PRRX2: variants seen among roughly 807,000 people sequenced by gnomAD.
PRRX2 encodes paired mesoderm homeobox protein 2.
In PRRX2, 11 loss-of-function variants were observed where a neutral mutation model predicts 18.0. The observed-to-expected ratio is 0.61, with a 90% CI of 0.39 to 1.01. The LOEUF (loss-of-function observed/expected upper bound fraction) is 1.01. Ranked by LOEUF, PRRX2 falls within the 50% of genes least tolerant of loss-of-function variation. PRRX2 has a pLI of 0.01. For missense variants in PRRX2, 387 were observed against 351.0 expected, an observed-to-expected ratio of 1.10 and a Z score of -0.82; for synonymous variants, 177 against 154.8, an observed-to-expected ratio of 1.14 and a Z score of -1.06.
At chr9:129,670,521 C>T (rs959665846) in intron 1 of PRRX2, among the ~76,000 whole-genome samples, 25 of 152,000 alleles carry the variant, frequency 1.6e-4, no homozygotes, top group African/African-American at 4.8e-4. Context: ...ATTACAGGTG[C>T]GTGCCACCAT....
chr9:129,720,982 CAT>C (rs373959981), intron 3 of PRRX2, among the ~76,000 whole-genome samples: 25 of 151,878 alleles, frequency 1.6e-4, no homozygotes, highest in African/African-American at 4.1e-4. Context: ...TAAGAGTTGG[CAT>C]GTGTGTGTGT....
chr9:129,673,431 T>TGGACAACA (rs1319006068), intron 1 of PRRX2, among the ~76,000 whole-genome samples: 2 of 152,154 alleles, frequency 1.3e-5, no homozygotes, highest in African/African-American at 2.4e-5. Context: ...CACTCCAGCC[T>TGGACAACA]GGGCAACAGA....
chr9:129,697,338 C>A (rs1274116332), intron 1 of PRRX2, among the ~76,000 whole-genome samples: 1 of 152,060 alleles, frequency 6.6e-6, no homozygotes. Flanking sequence ...TCCCCTAGGC[C>A]GTGCCCCCTC....
intron 1 of PRRX2, among the ~76,000 whole-genome samples, chr9:129,713,796 AATTTATTT>A (rs574830957): frequency 6.6e-6 from 1 of 150,842 alleles, no homozygotes; most frequent in Non-Finnish European, 1.5e-5. Context: ...ATGCCTGGCT[AATTTATTT>A]ATTTATTTAT....
intron 1 of PRRX2, among the ~76,000 whole-genome samples, chr9:129,708,732 G>A (rs528555595): frequency 2.0e-5 from 3 of 152,220 alleles, no homozygotes; most frequent in Non-Finnish European, 4.4e-5. Context: ...AACAGCCATC[G>A]TCTGGCCCTT....
Position 129,711,912 on chromosome 9 carries a change from G to A in PRRX2, c.260-7319G>A, listed in dbSNP as rs556094355. Among the ~76,000 whole-genome samples the A allele has an allele frequency of 4.3e-4, 65 of 152,286 alleles. 1 individual carries two copies. Among genetic ancestry groups the A allele is most frequent in the African/African-American group, 1.4e-3 (60 of 41,560 alleles). On this transcript the variant is annotated intron_variant, in intron 1 of 3. Transcript: ENST00000372469. ...ACTTGTGTCCTTGCTGATGATGCCA[G>A]GCAGTGGCTAAGGATGTGGTTTCAG...
intron 1 of PRRX2, among the ~76,000 whole-genome samples, chr9:129,698,178 T>A (rs1832450201): frequency 6.8e-6 from 1 of 147,454 alleles, no homozygotes; most frequent in South Asian, 2.2e-4. Context: ...CTGGGCCCCC[T>A]CGCAGGGCCT....
chr9:129,672,354 G>T (rs1832110233), intron 1 of PRRX2, among the ~76,000 whole-genome samples: 2 of 152,308 alleles, frequency 1.3e-5, no homozygotes, highest in South Asian at 4.1e-4. Flanking sequence ...AGGCCTCACT[G>T]GAGTTGTCCT....
At chr9:129,705,704 T>A (rs542727303) in intron 1 of PRRX2, among the ~76,000 whole-genome samples, 34 of 152,178 alleles carry the variant, frequency 2.2e-4, no homozygotes, top group African/African-American at 5.3e-4. Context: ...ACTTTTGGCC[T>A]CACCTGTCCC....
Position 129,675,485 on chromosome 9 carries a change from C to T in PRRX2, c.259+9359C>T, listed in dbSNP as rs1301462522. Among the ~76,000 whole-genome samples the T allele has an allele frequency of 6.6e-6, 1 of 152,080 alleles. No individual in the cohort carries two copies. The highest frequency in any genetic ancestry group is 1.5e-5 in the Non-Finnish European group (1 of 67,972). On this transcript the variant is annotated intron_variant, in intron 1 of 3. Coordinates refer to ENST00000372469, the MANE Select transcript of PRRX2 (RefSeq NM_016307.4). This position sits in a 1 kb window ranked among gnomAD's most constrained non-coding sequence, Gnocchi z 4.4. ...GGACAAGCCCCCTCCTGGCATCCTGCCGGCACCTCCTGCCCCCCTGCTACC... is the reference window on the plus strand; with the variant it reads ...GGACAAGCCCCCTCCTGGCATCCTGTCGGCACCTCCTGCCCCCCTGCTACC...
intron 1 of PRRX2, among the ~76,000 whole-genome samples, chr9:129,670,158 C>T (rs369924447): frequency 1.3e-5 from 2 of 151,078 alleles, no homozygotes; most frequent in Admixed American, 6.6e-5. Flanking sequence ...GTGTAGCATG[C>T]GTCAGAGTCT....
At chr9:129,700,898 C>T (rs891073787) in intron 1 of PRRX2, among the ~76,000 whole-genome samples, 10 of 152,246 alleles carry the variant, frequency 6.6e-5, no homozygotes, top group South Asian at 2.1e-4. Context: ...GGATTACAGG[C>T]GTGAGCCACG....
intron 3 of PRRX2, 133 bp from the exon 4 acceptor site, chr9:129,722,083 AC>A: frequency 7.8e-7 from 1 of 1,282,738 alleles, no homozygotes. Context: ...GCTCCAAATC[AC>A]CCCCAGTCCT....
intron 3 of PRRX2, among the ~76,000 whole-genome samples, chr9:129,721,566 G>A (rs1832792374): frequency 6.6e-6 from 1 of 151,824 alleles, no homozygotes; most frequent in Non-Finnish European, 1.5e-5. Flanking sequence ...GAAAACCAAG[G>A]GGCATCCTTA....
intron 1 of PRRX2, among the ~76,000 whole-genome samples, chr9:129,693,067 A>G (rs895494885): frequency 6.6e-6 from 1 of 152,110 alleles, no homozygotes; most frequent in African/African-American, 2.4e-5. Context: ...TTTGGTTGTC[A>G]GTGTTCTGGA....
At chr9:129,691,264 G>A (rs1216466219) in intron 1 of PRRX2, among the ~76,000 whole-genome samples, 2 of 151,874 alleles carry the variant, frequency 1.3e-5, no homozygotes, top group Non-Finnish European at 2.9e-5. Flanking sequence ...TTGAACCTGG[G>A]AGGCAGGGGT....
chr9:129,688,149 G>A lies in PRRX2; in HGVS notation c.259+22023G>A, dbSNP rs534751522. On this transcript the variant is annotated intron_variant, in intron 1 of 3. Coordinates refer to ENST00000372469, the MANE Select transcript of PRRX2 (RefSeq NM_016307.4). The stretch of plus-strand genomic sequence containing the variant: ...GCTATCTTGGCTCACTGCAACCTCC[G>A]CCTCTGGGCTCAAGCCATCCTCCCA... 2.6e-5 allele frequency among the ~76,000 whole-genome samples: 4 copies of A among 152,070 alleles called. No individual in the cohort carries two copies. The South Asian group carries it at 6.2e-4, about 24-fold the overall frequency.
intron 1 of PRRX2, among the ~76,000 whole-genome samples, chr9:129,683,363 T>A (rs7032679): frequency 6.6e-6 from 1 of 152,190 alleles, no homozygotes; most frequent in Non-Finnish European, 1.5e-5. Flanking sequence ...ACATATTTCT[T>A]GAGAGCCCCT....
intron 1 of PRRX2, among the ~76,000 whole-genome samples, chr9:129,679,341 G>A (rs1564145979): frequency 6.6e-6 from 1 of 152,166 alleles, no homozygotes; most frequent in Admixed American, 6.5e-5. Flanking sequence ...CTGGGTGACG[G>A]TGGCAGGGGG....
Sources: allele counts gnomAD v4.1 joint callset (sites outside exome capture counted in the v4.1 genomes callset), GRCh38; gene constraint gnomAD v4.1.1; non-coding constraint Gnocchi (gnomAD v3.1); transcripts MANE v1.5; gene names NCBI Gene and HGNC (gene_info 2026-07-23, HGNC 2026-07-21).